The following BICRAL variants were observed in gnomAD, a reference collection of about 807,000 sequenced individuals.
BICRAL encodes BICRA like chromatin remodeling complex associated protein.
BICRAL carries 8 observed loss-of-function variants against 91.8 expected under a neutral mutation model. That is an observed-to-expected ratio of 0.09 (90% CI 0.05 to 0.16). BICRAL has a LOEUF of 0.16. Ranked by LOEUF, BICRAL falls within the 10% of genes least tolerant of loss-of-function variation. BICRAL has a pLI of 1.00. For synonymous variants in BICRAL, 445 were observed against 491.1 expected, an observed-to-expected ratio of 0.91 and a Z score of 1.24; for missense variants, 1,038 against 1,310.9, an observed-to-expected ratio of 0.79 and a Z score of 3.21.
intron 6 of BICRAL, among the ~76,000 whole-genome samples, chr6:42,848,130 A>G (rs1436308977): frequency 1.3e-5 from 2 of 151,910 alleles, no homozygotes; most frequent in African/African-American, 2.4e-5. Context: ...CTCTGTCTCA[A>G]AAAGAAAAAA....
intron 11 of BICRAL, among the ~76,000 whole-genome samples, chr6:42,861,536 A>G (rs1360781269): frequency 6.6e-6 from 1 of 152,222 alleles, no homozygotes; most frequent in East Asian, 1.9e-4. Context: ...CTAAAATCAT[A>G]TAGGCTTTAA....
At chr6:42,793,229 T>C (rs13203567) in intron 1 of BICRAL, among the ~76,000 whole-genome samples, 62,968 of 131,274 alleles carry the variant, frequency 0.48, 16,329 homozygotes, top group African/African-American at 0.7. Context: ...CTGCAAGCTC[T>C]GCCTCCCAGG....
At chr6:42,835,581 C>T (rs1764614622) in intron 6 of BICRAL, among the ~76,000 whole-genome samples, 1 of 151,842 alleles carries the variant, frequency 6.6e-6, no homozygotes. Context: ...TTAGACTTTA[C>T]TATTGGTTTA....
chr6:42,857,321 C>T lies in BICRAL; in HGVS notation c.2254+85C>T. 3 of 1,071,348 alleles carry T rather than the reference C, an allele frequency of 2.8e-6. No homozygotes were observed. The South Asian group carries it at 4.4e-5, about 16-fold the overall frequency. 66.4% of individuals were successfully genotyped at this position (1,071,348 alleles called of 1,614,324 possible). A position where few individuals can be genotyped will look rare whatever the true frequency, so the allele number is the denominator to read the frequency against. ...CCCCAGAAAAGCAAGAGCCACATCA[C>T]CCCCAGATGGTAGGCAGGTTATTGT... On this transcript the variant is annotated intron_variant, in intron 10 of 12. Coordinates refer to ENST00000314073, the MANE Select transcript of BICRAL (RefSeq NM_001393499.1).
chr6:42,789,208 A>G (rs1332252568), intron 1 of BICRAL, among the ~76,000 whole-genome samples: 3 of 152,224 alleles, frequency 2.0e-5, no homozygotes, highest in African/African-American at 4.8e-5. Flanking sequence ...TTTCACAGCA[A>G]TGTGAATGTA....
At position 42,845,195 on chromosome 6, in the gene BICRAL, G is replaced by GGTTTTT. The variant is rs1562490931; in HGVS notation, c.1840-6897_1840-6896insGTTTTT. ...CTTCTCTGTTTTTTGTTTTTTGGGT[G>GGTTTTT]TTTTTTTTTTTTTTTTTTTTTTTTT... On this transcript the variant is annotated intron_variant, in intron 6 of 12. Coordinates refer to ENST00000314073, the MANE Select transcript of BICRAL (RefSeq NM_001393499.1). 6.2e-3 allele frequency among the ~76,000 whole-genome samples: 160 copies of GGTTTTT among 25,610 alleles called. 32 individuals carry two copies. The highest frequency in any genetic ancestry group is 9.0e-3 in the Non-Finnish European group (106 of 11,778). 16.8% of individuals were successfully genotyped at this position (25,610 alleles called of 152,430 possible).
At chr6:42,814,531 T>A (rs1302073202) in intron 2 of BICRAL, among the ~76,000 whole-genome samples, 83 of 131,940 alleles carry the variant, frequency 6.3e-4, no homozygotes, top group Non-Finnish European at 1.1e-3. Flanking sequence ...TTTTTTTTTT[T>A]TTTTTTTTTA....
intron 1 of BICRAL, among the ~76,000 whole-genome samples, chr6:42,759,036 C>G (rs1248174931): frequency 6.6e-6 from 1 of 152,240 alleles, no homozygotes; most frequent in Non-Finnish European, 1.5e-5. Context: ...GGAGGCTTTA[C>G]AGCATCCTAA....
chr6:42,844,917 A>C (rs1764947488), intron 6 of BICRAL, among the ~76,000 whole-genome samples: 1 of 152,154 alleles, frequency 6.6e-6, no homozygotes, highest in Admixed American at 6.6e-5. Context: ...TTGTAGCAAG[A>C]GAAGGTGGGA....
chr6:42,786,899 A>G (rs1214408501), intron 1 of BICRAL, among the ~76,000 whole-genome samples: 1 of 151,558 alleles, frequency 6.6e-6, no homozygotes, highest in African/African-American at 2.4e-5. Context: ...ATGGAGTTGG[A>G]GAGATCCTAT....
rs191245203 is a variant in BICRAL, at chr6:42,840,704, G to T, written c.1839+10532G>T. 6.9e-3 allele frequency among the ~76,000 whole-genome samples: 1,046 copies of T among 152,050 alleles called. 5 individuals are homozygous for T. The highest frequency in any genetic ancestry group is 0.022 in the African/African-American group (920 of 41,452). The stretch of plus-strand genomic sequence containing the variant: ...GGCGCCTGCCACCATGCCTGGCTAA[G>T]TTTTGTATTTTTAGTAGAGACCGCA... On this transcript the variant is annotated intron_variant, in intron 6 of 12. Coordinates refer to ENST00000314073, the MANE Select transcript of BICRAL (RefSeq NM_001393499.1).
chr6:42,845,573 T>C (rs1562491190), intron 6 of BICRAL, among the ~76,000 whole-genome samples: 1 of 152,096 alleles, frequency 6.6e-6, no homozygotes. Context: ...GGTTCTCTGC[T>C]GCTCTCTGGG....
chr6:42,865,404 C>T lies in BICRAL; in HGVS notation c.3198C>T (p.Asp1066=), dbSNP rs1401830557. 7 of 1,613,292 alleles carry T rather than the reference C, an allele frequency of 4.3e-6. No individual in the cohort carries two copies. In the Admixed American group the frequency reaches 1.0e-4, roughly 23 times the overall value. Reference sequence around the variant, plus strand: ...ACAGTGAAGGTGTTGTAGAAACTGACTCCATTTTAGAAGCAGCTGTAAATA... The same window carrying T: ...ACAGTGAAGGTGTTGTAGAAACTGATTCCATTTTAGAAGCAGCTGTAAATA... The part of the protein sequence containing the change: ...PDHSEGVVET[D]SILEAAVNSI... Residue 1066 remains aspartate (D), a synonymous_variant, in exon 13 of 13, where the codon GAC becomes GAT. Transcript: ENST00000314073.
intron 1 of BICRAL, among the ~76,000 whole-genome samples, chr6:42,773,905 T>C (rs1159278412): frequency 6.6e-6 from 1 of 152,246 alleles, no homozygotes; most frequent in Non-Finnish European, 1.5e-5. Flanking sequence ...TAGCAAATGA[T>C]TTTTAAGAAG....
At chr6:42,819,786 G>A (rs1764089600) in intron 2 of BICRAL, among the ~76,000 whole-genome samples, 1 of 152,162 alleles carries the variant, frequency 6.6e-6, no homozygotes, top group Non-Finnish European at 1.5e-5. Flanking sequence ...AGAAAAGAGT[G>A]TGACCCTTTA....
chr6:42,751,250 G>A (rs113381748), intron 1 of BICRAL, among the ~76,000 whole-genome samples: 86 of 151,962 alleles, frequency 5.7e-4, no homozygotes, highest in African/African-American at 2.0e-3. Context: ...TTGGCCTCAG[G>A]CGTGGGAGGA....
At chr6:42,844,539 A>G (rs1185171095) in intron 6 of BICRAL, among the ~76,000 whole-genome samples, 1 of 116,140 alleles carries the variant, frequency 8.6e-6, no homozygotes, top group African/African-American at 4.2e-5. Flanking sequence ...AAAAAAAAAA[A>G]AAAAAAGAGG....
chr6:42,853,377 A>G (rs1290781781), intron 7 of BICRAL, among the ~76,000 whole-genome samples: 1 of 152,204 alleles, frequency 6.6e-6, no homozygotes, highest in African/African-American at 2.4e-5. Flanking sequence ...TTCAGACTAT[A>G]AATAATTTGA....
At position 42,853,724 on chromosome 6, in the gene BICRAL, C is replaced by T; in HGVS notation, c.2032C>T (p.His678Tyr). 6.2e-7 allele frequency: 1 copy of T among 1,609,302 alleles called. No homozygotes were observed. The highest frequency in any genetic ancestry group is 8.5e-7 in the Non-Finnish European group (1 of 1,175,498). ...AAAAGTAGTTGGATCATCTCCTGGC[C>T]ATCCAGCTGTGCAGGTAGAAAACTA... The part of the protein sequence containing the change: ...QEKVVGSSPG[H>Y]PAVQVESHSG... Residue 678 changes from histidine to tyrosine, a missense_variant, in exon 8 of 13, where the codon CAT becomes TAT. His to Tyr is a moderately conservative substitution (Grantham distance 83). Around this residue, in one of 5 missense-constraint regions of BICRAL, gnomAD observed 532 missense variants for 724.9 expected, o/e 0.73. Transcript: ENST00000314073.
Sources: gnomAD v4.1 joint callset for allele counts (sites outside exome capture counted in the v4.1 genomes callset) on GRCh38, gnomAD v4.1.1 for gene constraint, gnomAD v4.1.1 regional missense constraint, MANE v1.5 for transcripts, NCBI Gene and HGNC (gene_info 2026-07-23, HGNC 2026-07-21) for gene names.